The following MYO3B variants were observed in gnomAD, a reference collection of about 807,000 sequenced individuals.
MYO3B encodes the protein myosin IIIB.
In MYO3B, 156 loss-of-function variants were observed where a neutral mutation model predicts 174.6. The observed-to-expected ratio is 0.89, with a 90% confidence interval of 0.78 to 1.02. The LOEUF (loss-of-function observed/expected upper bound fraction) is 1.02. Among genes scored for constraint, MYO3B ranks in the 50% least tolerant of loss-of-function variants. MYO3B has a pLI of 0.00. For synonymous variants in MYO3B, 563 were observed against 569.1 expected (o/e 0.99, Z 0.15); for missense variants, 1,632 against 1,639.4 (o/e 1.00, Z 0.08).
At chr2:170,417,531 C>T (rs1036615917) in intron 22 of MYO3B, among the ~76,000 whole-genome samples, 2 of 152,216 alleles carry the variant, frequency 1.3e-5, no homozygotes, top group African/African-American at 4.8e-5. Context: ...CCACAAACAA[C>T]AGAAATGTAT....
intron 32 of MYO3B, among the ~76,000 whole-genome samples, chr2:170,639,591 C>G (rs1238407291): frequency 2.6e-5 from 4 of 152,196 alleles, no homozygotes; most frequent in African/African-American, 7.2e-5. Context: ...AAAAAGACAG[C>G]AAGACAATAG....
intron 17 of MYO3B, 88 bp downstream of exon 17, chr2:170,400,402 C>CTTTTTTTTT: frequency 1.0e-6 from 1 of 1,000,810 alleles, no homozygotes; most frequent in Non-Finnish European, 1.3e-6. Context: ...TTTGCTGGTC[C>CTTTTTTTTT]TTTTTTTTTT....
intron 7 of MYO3B, among the ~76,000 whole-genome samples, chr2:170,291,196 C>T (rs2093593489): frequency 6.6e-6 from 1 of 152,002 alleles, no homozygotes. Flanking sequence ...CTGCAGTGAG[C>T]CGAGATCACA....
intron 22 of MYO3B, among the ~76,000 whole-genome samples, chr2:170,431,574 T>C (rs542739202): frequency 3.1e-4 from 47 of 152,366 alleles, no homozygotes; most frequent in Non-Finnish European, 5.6e-4. Flanking sequence ...TTGGCTTTCT[T>C]TAAGCAAATA....
intron 16 of MYO3B, among the ~76,000 whole-genome samples, chr2:170,396,729 C>G (rs1354922647): frequency 6.6e-6 from 1 of 152,084 alleles, no homozygotes; most frequent in Non-Finnish European, 1.5e-5. Flanking sequence ...AGGGTATAGT[C>G]TTTGACAGTC....
At position 170,378,585 on chromosome 2, in the gene MYO3B, T is replaced by G. The variant is rs76917588; in HGVS notation, c.972-3431T>G. On this transcript the variant is annotated intron_variant, in intron 9 of 34. Coordinates refer to ENST00000408978, the MANE Select transcript of MYO3B (RefSeq NM_138995.5). Reference sequence around the variant, plus strand: ...CAAGCTCAGATTTGCAGACAACATCTGCATGATTCTTGGAAGTTATATCTG... The same window carrying G: ...CAAGCTCAGATTTGCAGACAACATCGGCATGATTCTTGGAAGTTATATCTG... Among the ~76,000 whole-genome samples, 994 of 152,340 alleles carry G rather than the reference T, an allele frequency of 6.5e-3. 12 individuals carry two copies. Among genetic ancestry groups the G allele is most frequent in the African/African-American group, 0.022 (930 of 41,562 alleles).
intron 25 of MYO3B, among the ~76,000 whole-genome samples, chr2:170,494,693 A>G (rs1437028388): frequency 1.5e-5 from 2 of 134,574 alleles, no homozygotes; most frequent in African/African-American, 5.7e-5. Flanking sequence ...ACACCGCTGT[A>G]CTCCAGCCTG....
At chr2:170,418,345 T>C (rs1409830884) in intron 22 of MYO3B, among the ~76,000 whole-genome samples, 2 of 152,230 alleles carry the variant, frequency 1.3e-5, no homozygotes, top group Non-Finnish European at 2.9e-5. Flanking sequence ...TAAGCTGAGT[T>C]AAAATGCATC....
chr2:170,562,338 A>G (rs1691764469), intron 32 of MYO3B, among the ~76,000 whole-genome samples: 1 of 152,234 alleles, frequency 6.6e-6, no homozygotes, highest in African/African-American at 2.4e-5. Flanking sequence ...CTGATTTTAA[A>G]AGAGTAATGA....
chr2:170,582,524 T>C (rs1486888151), intron 32 of MYO3B, among the ~76,000 whole-genome samples: 1 of 152,200 alleles, frequency 6.6e-6, no homozygotes, highest in African/African-American at 2.4e-5. Context: ...TGGGCAGCAC[T>C]GATTGACAGG....
At chr2:170,279,565 G>A (rs1017173938) in intron 7 of MYO3B, among the ~76,000 whole-genome samples, 8 of 152,020 alleles carry the variant, frequency 5.3e-5, no homozygotes, top group African/African-American at 1.9e-4. Context: ...CATCACCCAG[G>A]TATTAAGCCC....
chr2:170,205,646 T>C (rs1574575675), intron 3 of MYO3B, among the ~76,000 whole-genome samples: 1 of 152,096 alleles, frequency 6.6e-6, no homozygotes, highest in African/African-American at 2.4e-5. Context: ...GTCATTTCTA[T>C]CTCAAAAAAA....
At chr2:170,518,347 G>C (rs1392916151) in intron 29 of MYO3B, among the ~76,000 whole-genome samples, 2 of 152,080 alleles carry the variant, frequency 1.3e-5, no homozygotes, top group South Asian at 4.1e-4. Flanking sequence ...GATTATCTTT[G>C]TTGGTTACTT....
At chr2:170,646,818 A>T (rs1559197942) in intron 32 of MYO3B, 7 of 734,088 alleles carry the variant, frequency 9.5e-6, no homozygotes, top group Non-Finnish European at 1.5e-5. Context: ...GAGAAGCAGT[A>T]ACAATTGTTA....
chr2:170,492,844 AG>A (rs1368948061), intron 25 of MYO3B, among the ~76,000 whole-genome samples: 1 of 152,192 alleles, frequency 6.6e-6, no homozygotes, highest in Admixed American at 6.5e-5. Flanking sequence ...CAATCTTCTG[AG>A]TAGAACCAGA....
At chr2:170,388,483 T>C (rs2094391274) in intron 14 of MYO3B, among the ~76,000 whole-genome samples, 1 of 152,070 alleles carries the variant, frequency 6.6e-6, no homozygotes, top group South Asian at 2.1e-4. Context: ...GTGGCAAAGA[T>C]AAGACTGAGA....
At chr2:170,506,523 G>A (rs1687631040) in intron 28 of MYO3B, among the ~76,000 whole-genome samples, 1 of 152,134 alleles carries the variant, frequency 6.6e-6, no homozygotes. Context: ...CCTACTTTAT[G>A]CTGGGGCTCC....
At chr2:170,635,875 T>TAATA (rs1216265874) in intron 32 of MYO3B, among the ~76,000 whole-genome samples, 2 of 152,208 alleles carry the variant, frequency 1.3e-5, no homozygotes, top group African/African-American at 4.8e-5. Context: ...CACATGTATG[T>TAATA]AATATGCAAC....
intron 22 of MYO3B, among the ~76,000 whole-genome samples, chr2:170,433,585 A>G (rs894715056): frequency 6.6e-6 from 1 of 152,344 alleles, no homozygotes; most frequent in Admixed American, 6.5e-5. Flanking sequence ...TGGGAGATGC[A>G]TGAAGGATGC....
Sources: allele counts gnomAD v4.1 joint callset (sites outside exome capture counted in the v4.1 genomes callset), GRCh38; gene constraint gnomAD v4.1.1; transcripts MANE v1.5; gene names NCBI Gene and HGNC (gene_info 2026-07-23, HGNC 2026-07-21).